RAB11FIP3: variants seen among roughly 807,000 people sequenced by gnomAD.
RAB11FIP3 encodes RAB11 family interacting protein 3.
RAB11FIP3 carries 17 observed loss-of-function variants against 77.8 expected under a neutral mutation model. That is an observed-to-expected ratio of 0.22 (90% CI 0.15 to 0.33). The LOEUF (loss-of-function observed/expected upper bound fraction) is 0.33. Among genes scored for constraint, RAB11FIP3 ranks in the 10% least tolerant of loss-of-function variants. The probability of loss-of-function intolerance (pLI) is 1.00; values close to 1 mark genes in which losing one functional copy is unlikely to be tolerated. For synonymous variants in RAB11FIP3, 437 were observed against 448.2 expected (o/e 0.98, Z 0.31); for missense variants, 1,005 against 1,011.2 (o/e 0.99, Z 0.08).
chr16:434,202 A>G (rs1432105135), intron 1 of RAB11FIP3, among the ~76,000 whole-genome samples: 1 of 151,440 alleles, frequency 6.6e-6, no homozygotes, highest in Non-Finnish European at 1.5e-5. Context: ...GGTCACTGCA[A>G]CCTTCGCCTC....
chr16:492,456 T>TCCAGAGCCCTC (rs2030556776), intron 5 of RAB11FIP3, among the ~76,000 whole-genome samples: 1 of 18,082 alleles, frequency 5.5e-5, no homozygotes, highest in African/African-American at 2.6e-4. Context: ...CCAGGGCCCT[T>TCCAGAGCCCTC]CCCGGGGAGA....
intron 3 of RAB11FIP3, among the ~76,000 whole-genome samples, chr16:476,776 C>CA (rs1299433127): frequency 9.9e-3 from 531 of 53,514 alleles, no homozygotes; most frequent in African/African-American, 0.029. Flanking sequence ...GACTCTGTCT[C>CA]AAAAAAAAAA....
intron 1 of RAB11FIP3, among the ~76,000 whole-genome samples, chr16:438,573 T>G (rs1213895943): frequency 6.7e-6 from 1 of 149,084 alleles, no homozygotes; most frequent in Non-Finnish European, 1.5e-5. Flanking sequence ...GCCTGGCTAA[T>G]TTTTGTATGT....
intron 5 of RAB11FIP3, among the ~76,000 whole-genome samples, chr16:492,357 G>GAGCCCTCCC (rs1457305183): frequency 1.6e-5 from 2 of 126,570 alleles, no homozygotes; most frequent in African/African-American, 4.1e-5. Context: ...TCTTTGAAGA[G>GAGCCCTCCC]GGTCTTCCCG....
chr16:515,423 C>G lies in RAB11FIP3; in HGVS notation c.1641-3520C>G, dbSNP rs2032354428. On this transcript the variant is annotated intron_variant, in intron 9 of 13. Coordinates refer to ENST00000262305, the MANE Select transcript of RAB11FIP3 (RefSeq NM_014700.4). ...AGCACAGCTGCACACACTCCTAACGCAAACAACACCCTGCGCCAGCAGCTA... is the reference window on the plus strand; with the variant it reads ...AGCACAGCTGCACACACTCCTAACGGAAACAACACCCTGCGCCAGCAGCTA... Among the ~76,000 whole-genome samples, 2 of 152,156 alleles carry G rather than the reference C, an allele frequency of 1.3e-5. 1 individual carries two copies. Among genetic ancestry groups the G allele is most frequent in the South Asian group, 4.1e-4 (2 of 4,828 alleles).
intron 1 of RAB11FIP3, among the ~76,000 whole-genome samples, chr16:447,219 C>T (rs2055331677): frequency 6.6e-6 from 1 of 152,004 alleles, no homozygotes; most frequent in East Asian, 2.0e-4. Context: ...GCAGGAGGAT[C>T]ACTTGAGGCC....
Position 520,864 on chromosome 16 carries a change from G to A in RAB11FIP3, c.*25G>A. The A allele has an allele frequency of 1.3e-6, 2 of 1,593,894 alleles. No individual in the cohort carries two copies. The highest frequency in any genetic ancestry group is 1.7e-6 in the Non-Finnish European group (2 of 1,162,454). On this transcript the variant is annotated 3_prime_UTR_variant, in exon 14 of 14. Transcript: ENST00000262305. ...GAGGCAGGAAGGTCCAGCCTGAGCT[G>A]GATTCGGGACTCCAACACCCTGGAG...
intron 2 of RAB11FIP3, among the ~76,000 whole-genome samples, chr16:470,065 C>T (rs1299751119): frequency 8.6e-5 from 13 of 151,352 alleles, no homozygotes; most frequent in Non-Finnish European, 2.9e-5. Flanking sequence ...GGTGTGATTT[C>T]GGCTCCCTGA....
chr16:519,829 A>G lies in RAB11FIP3; in HGVS notation c.1798A>G (p.Met600Val). The change falls in exon 11 of 14, where the codon ATG becomes GTG. Residue 600 changes from methionine to valine, a missense_variant. By Grantham distance (21) the Met-to-Val change is conservative. Transcript: ENST00000262305. ...TGAAGAGCAGGAGAACAAGAGGAGA[A>G]TGGGGGACAGGCTGAGTCACGAGAG... ...LSEEQENKRR[M>V]GDRLSHERHQ... is the part of the protein sequence containing the mutation. The G allele has an allele frequency of 6.2e-7, 1 of 1,604,992 alleles. No individual in the cohort carries two copies. Among genetic ancestry groups the G allele is most frequent in the Non-Finnish European group, 8.5e-7 (1 of 1,176,036 alleles).
intron 2 of RAB11FIP3, among the ~76,000 whole-genome samples, chr16:462,612 C>CGATCCCTTCCCCAGCAT (rs2055627226): frequency 6.6e-6 from 1 of 151,350 alleles, no homozygotes; most frequent in Admixed American, 6.6e-5. Context: ...TTCCCCAGCA[C>CGATCCCTTCCCCAGCAT]GATCCCTTCC....
At chr16:488,533 C>T (rs1375364637) in intron 4 of RAB11FIP3, among the ~76,000 whole-genome samples, 1 of 152,088 alleles carries the variant, frequency 6.6e-6, no homozygotes, top group Non-Finnish European at 1.5e-5. Context: ...TTCAGCCTCC[C>T]GAGTACCTGG....
At chr16:509,437 T>C (rs548425020) in intron 8 of RAB11FIP3, among the ~76,000 whole-genome samples, 2 of 152,380 alleles carry the variant, frequency 1.3e-5, no homozygotes, top group East Asian at 3.9e-4. Context: ...CTGGTGATCT[T>C]TGGCCATCTG....
chr16:446,466 G>A (rs2055318483), intron 1 of RAB11FIP3, among the ~76,000 whole-genome samples: 1 of 152,104 alleles, frequency 6.6e-6, no homozygotes, highest in Non-Finnish European at 1.5e-5. Context: ...TGTCTTCCAG[G>A]TGGCCTTTGG....
intron 9 of RAB11FIP3, 54 bp from the exon 10 acceptor site, chr16:518,888 GC>G: frequency 6.3e-7 from 1 of 1,580,012 alleles, no homozygotes; most frequent in East Asian, 2.2e-5. Flanking sequence ...GGGCACACTG[GC>G]CCTGTAGAGG....
Position 444,843 on chromosome 16 carries a change from G to A in RAB11FIP3, c.715-16561G>A, listed in dbSNP as rs559388341. Among the ~76,000 whole-genome samples the A allele has an allele frequency of 6.0e-5, 9 of 150,996 alleles. No homozygotes were observed. The South Asian group carries it at 1.1e-3, about 18-fold the overall frequency. ...ATTAAAAAAGACTGGAGCCTGGTGCGGTGGCTCACGCCTGTAATCCCAGCA... is the reference window on the plus strand; with the variant it reads ...ATTAAAAAAGACTGGAGCCTGGTGCAGTGGCTCACGCCTGTAATCCCAGCA... On this transcript the variant is annotated intron_variant, in intron 1 of 13. Transcript: ENST00000262305.
intron 1 of RAB11FIP3, among the ~76,000 whole-genome samples, chr16:435,204 C>CAAAAAAAAAAAA (rs371438435): frequency 1.2e-5 from 1 of 83,152 alleles, no homozygotes; most frequent in African/African-American, 4.5e-5. Flanking sequence ...GACTCCGTCT[C>CAAAAAAAAAAAA]AAAAAAAAAA....
intron 5 of RAB11FIP3, chr16:490,987 A>G: frequency 1.4e-6 from 1 of 725,704 alleles, no homozygotes; most frequent in Non-Finnish European, 1.9e-6. Flanking sequence ...TAAAGGCAAG[A>G]GCCAGAACAT....
chr16:496,389 G>A (rs2031130912), intron 5 of RAB11FIP3, among the ~76,000 whole-genome samples: 1 of 152,262 alleles, frequency 6.6e-6, no homozygotes, highest in Non-Finnish European at 1.5e-5. Flanking sequence ...TTCTGAGCAT[G>A]ATGCATCAGT....
intron 1 of RAB11FIP3, among the ~76,000 whole-genome samples, chr16:459,455 C>T (rs1243449024): frequency 8.4e-6 from 1 of 119,052 alleles, no homozygotes; most frequent in Admixed American, 9.1e-5. Context: ...TTTTTTTTAG[C>T]AGACAAATTC....
Sources: gnomAD v4.1 joint callset for allele counts (sites outside exome capture counted in the v4.1 genomes callset) on GRCh38, gnomAD v4.1.1 for gene constraint, MANE v1.5 for transcripts, NCBI Gene and HGNC (gene_info 2026-07-23, HGNC 2026-07-21) for gene names.